The following C2orf49 variants were observed in gnomAD, a reference collection of about 807,000 sequenced individuals.
C2orf49 encodes tRNA-splicing ligase complex subunit ASW.
A neutral mutation model predicts 20.6 loss-of-function variants in C2orf49; 11 were observed. The ratio of observed to expected loss-of-function variants is 0.53; its 90% CI spans 0.34 to 0.88. C2orf49 has a LOEUF of 0.88. Ranked by LOEUF, C2orf49 falls within the 40% of genes least tolerant of loss-of-function variation. The pLI is 0.02. For synonymous variants in C2orf49, 134 were observed against 108.5 expected, an observed-to-expected ratio of 1.24 and a Z score of -1.46; for missense variants, 289 against 274.2, an observed-to-expected ratio of 1.05 and a Z score of -0.38.
intron 2 of C2orf49, 51 bp downstream of exon 2, chr2:105,339,800 TATA>T: frequency 7.1e-7 from 1 of 1,417,228 alleles, no homozygotes; most frequent in Middle Eastern, 2.1e-4. Context: ...ACTAAAGTTA[TATA>T]TAAGTTATTG....
Position 105,342,941 on chromosome 2 carries a change from T to A in C2orf49, c.360T>A (p.Asn120Lys). ...GCATAAAAGTGAAAAAGACAGAGAATGGAGATAATGATCGACTGAAGCCTC... is the reference window on the plus strand; with the variant it reads ...GCATAAAAGTGAAAAAGACAGAGAAAGGAGATAATGATCGACTGAAGCCTC... ...STSIKVKKTE[N>K]GDNDRLKPPP... The change falls in exon 3 of 4, where the codon AAT (asparagine) becomes AAA (lysine). Residue 120 changes from asparagine (N) to lysine (K), a missense_variant. Coordinates refer to ENST00000258457, the MANE Select transcript of C2orf49 (RefSeq NM_024093.3). 1 of 1,614,134 alleles carries A rather than the reference T, an allele frequency of 6.2e-7. No individual in the cohort carries two copies. Among genetic ancestry groups the A allele is most frequent in the Non-Finnish European group, 8.5e-7 (1 of 1,180,008 alleles).
chr2:105,357,947 G>T, the C2orf49 span: 2 of 152,158 alleles, frequency 1.3e-5, no homozygotes, highest in East Asian at 3.9e-4. Context: ...GTATGCCTTA[G>T]AGAATGCTTT....
the C2orf49 span, among the ~76,000 whole-genome samples, chr2:105,380,763 G>A: frequency 6.6e-6 from 1 of 151,766 alleles, no homozygotes; most frequent in Non-Finnish European, 1.5e-5. Flanking sequence ...TTCCTCTAGA[G>A]AGAAATTGAA....
chr2:105,370,208 A>AAC, the C2orf49 span, among the ~76,000 whole-genome samples: 1 of 150,614 alleles, frequency 6.6e-6, no homozygotes, highest in South Asian at 2.1e-4. Flanking sequence ...CCCTGTCTCT[A>AAC]CCCCCCCAAA....
At chr2:105,381,272 A>G in the C2orf49 span, among the ~76,000 whole-genome samples, 1 of 152,162 alleles carries the variant, frequency 6.6e-6, no homozygotes, top group African/African-American at 2.4e-5. Context: ...TCAAATCCTT[A>G]CAAATAAAGA....
the C2orf49 span, among the ~76,000 whole-genome samples, chr2:105,371,169 C>T: frequency 6.6e-6 from 1 of 152,120 alleles, no homozygotes; most frequent in Non-Finnish European, 1.5e-5. Flanking sequence ...TATGTGTCAG[C>T]GTGGCTGGGC....
At chr2:105,340,471 A>G (rs1290265757) in intron 2 of C2orf49, among the ~76,000 whole-genome samples, 1 of 152,196 alleles carries the variant, frequency 6.6e-6, no homozygotes, top group African/African-American at 2.4e-5. Flanking sequence ...CTTTGACTAC[A>G]ATAGTAAATT....
In C2orf49 at chr2:105,343,119, A is replaced by G. The variant is rs1363515355; in HGVS notation, c.538A>G (p.Arg180Gly). ...TAAACAGAACCATGACTTAACGCAT[A>G]GGAAAAGTCCTTCAGGCCCTGTGAA... ...DAKQNHDLTH[R>G]KSPSGPVKSP... The change falls in exon 3 of 4, where the codon AGG (arginine) becomes GGG (glycine). Residue 180 changes from arginine (R) to glycine (G), a missense_variant. By Grantham distance (125) the Arg-to-Gly change is moderately radical. Coordinates refer to ENST00000258457, the MANE Select transcript of C2orf49 (RefSeq NM_024093.3). 1.9e-6 allele frequency: 3 copies of G among 1,614,238 alleles called. No homozygotes were observed. Among genetic ancestry groups the G allele is most frequent in the South Asian group, 2.2e-5 (2 of 91,090 alleles).
At chr2:105,374,042 C>G in the C2orf49 span, 1 of 390,998 alleles carries the variant, frequency 2.6e-6, no homozygotes, top group South Asian at 2.6e-5. Flanking sequence ...GAAAGAGAAA[C>G]AGAAAACATG....
chr2:105,371,829 A>C, the C2orf49 span, among the ~76,000 whole-genome samples: 1 of 152,072 alleles, frequency 6.6e-6, no homozygotes, highest in Non-Finnish European at 1.5e-5. Context: ...CGTGGTTCTT[A>C]TTGTTACTGA....
chr2:105,360,991 A>G, the C2orf49 span: 1 of 262,892 alleles, frequency 3.8e-6, no homozygotes, highest in Non-Finnish European at 7.2e-6. Context: ...AGTGAGAGAA[A>G]GATTTATAAA....
the C2orf49 span, chr2:105,375,542 GC>G: frequency 6.6e-6 from 1 of 152,446 alleles, no homozygotes; most frequent in East Asian, 1.9e-4. Context: ...GGAAGCTGAG[GC>G]AGGAGAATCG....
At chr2:105,366,467 C>T in the C2orf49 span, among the ~76,000 whole-genome samples, 1 of 152,156 alleles carries the variant, frequency 6.6e-6, no homozygotes, top group East Asian at 1.9e-4. Flanking sequence ...CCACAGCTGG[C>T]GCTGCCCAGG....
At chr2:105,352,429 G>GTTTTTTTTTTTTTTTTTTTTTTTGT (rs61585149), downstream of C2orf49, among the ~76,000 whole-genome samples, 14 of 80,756 alleles carry the variant, frequency 1.7e-4, no homozygotes, top group East Asian at 4.0e-4. Flanking sequence ...GTTTGTTTGG[G>GTTTTTTTTTTTTTTTTTTTTTTTGT]TTTTTTTTTT....
At position 105,347,711 on chromosome 2, in the gene C2orf49, A is replaced by C. The variant is rs1679847943; in HGVS notation, c.*2340A>C. On this transcript the variant is annotated 3_prime_UTR_variant, in exon 4 of 4. Coordinates refer to ENST00000258457, the MANE Select transcript of C2orf49 (RefSeq NM_024093.3). Reference sequence around the variant, plus strand: ...TTGAAATGTCTTTCTCCACATAATGAAGCATGCTGAATGCTGGGAATCTGG... The same window carrying C: ...TTGAAATGTCTTTCTCCACATAATGCAGCATGCTGAATGCTGGGAATCTGG... 6.6e-6 allele frequency: 1 copy of C among 152,188 alleles called. No homozygotes were observed. The allele number at this position is 152,188 out of a possible 1,614,324, so 9.4% of individuals were successfully genotyped here.
chr2:105,351,337 G>C (rs1679932214), downstream of C2orf49, among the ~76,000 whole-genome samples: 1 of 99,220 alleles, frequency 1.0e-5, no homozygotes, highest in Non-Finnish European at 2.0e-5. Context: ...AAAAAAAAAG[G>C]TTATTTCTGT....
chr2:105,342,217 G>C (rs958561711), intron 2 of C2orf49, among the ~76,000 whole-genome samples: 1 of 152,204 alleles, frequency 6.6e-6, no homozygotes, highest in Non-Finnish European at 1.5e-5. Context: ...AGGTGATATA[G>C]ATATTATCTG....
chr2:105,362,574 G>A, the C2orf49 span, among the ~76,000 whole-genome samples: 1 of 152,196 alleles, frequency 6.6e-6, no homozygotes, highest in South Asian at 2.1e-4. Flanking sequence ...CAACGGGATT[G>A]CAAATCCCAC....
the C2orf49 span, chr2:105,361,367 CTTACAG>C: frequency 6.2e-7 from 1 of 1,614,188 alleles, no homozygotes; most frequent in Non-Finnish European, 8.5e-7. Flanking sequence ...GGGAGCACTT[CTTACAG>C]TTAAAGCAGT....
Sources: gnomAD v4.1 joint callset for allele counts (sites outside exome capture counted in the v4.1 genomes callset) on GRCh38, gnomAD v4.1.1 for gene constraint, MANE v1.5 for transcripts, NCBI Gene and HGNC (gene_info 2026-07-23, HGNC 2026-07-21) for gene names.